The following TRIM27 variants were observed in gnomAD, a reference collection of about 807,000 sequenced individuals.
TRIM27 encodes tripartite motif containing 27.
TRIM27 carries 12 observed loss-of-function variants against 57.6 expected under a neutral mutation model. That is an observed-to-expected ratio of 0.21 (90% CI 0.13 to 0.34). The LOEUF is 0.34. TRIM27 is among the 10% of genes least tolerant of loss of function. The pLI is 1.00. For missense variants in TRIM27, 403 were observed against 656.8 expected, an observed-to-expected ratio of 0.61 and a Z score of 4.22; for synonymous variants, 266 against 259.0, an observed-to-expected ratio of 1.03 and a Z score of -0.26.
At chr6:28,908,321 G>A (rs990484444) in intron 6 of TRIM27, 1 of 161,804 alleles carries the variant, frequency 6.2e-6, no homozygotes, top group Non-Finnish European at 1.3e-5. Context: ...CTAAGTGGTA[G>A]AGGCAGGCCC....
intron 3 of TRIM27, among the ~76,000 whole-genome samples, chr6:28,917,407 G>A (rs373384084): frequency 6.6e-5 from 10 of 150,824 alleles, no homozygotes; most frequent in Non-Finnish European, 8.9e-5. Context: ...GTGAAACTCC[G>A]TCTCTATAAA....
At position 28,903,416 on chromosome 6, in the gene TRIM27, G is replaced by C. The variant is rs1469790019; in HGVS notation, c.*654C>G. The C allele has an allele frequency of 4.3e-6, 1 of 233,314 alleles. No individual in the cohort carries two copies. Among genetic ancestry groups the C allele is most frequent in the Non-Finnish European group, 8.5e-6 (1 of 118,140 alleles). The allele number at this position is 233,314 out of a possible 1,614,324, so 14.5% of individuals were successfully genotyped here. ...CATTAGAATGAAGAGAACAGACAAA[G>C]CCCTCAGAAAAGATACAAAGGCAGA... On this transcript the variant is annotated 3_prime_UTR_variant, in exon 8 of 8. Coordinates refer to ENST00000377199, the MANE Select transcript of TRIM27 (RefSeq NM_006510.5).
rs757057594 is a variant in TRIM27, at chr6:28,911,650, A to G, written c.770+46T>C. 3.1e-6 allele frequency: 5 copies of G among 1,587,722 alleles called. No homozygotes were observed. In the East Asian group the frequency reaches 1.1e-4, roughly 36 times the overall value. On this transcript the variant is annotated intron_variant, in intron 4 of 7. Coordinates refer to ENST00000377199, the MANE Select transcript of TRIM27 (RefSeq NM_006510.5). ...CAGGATTTACAAATGTGAAGGAGAC[A>G]GTCTTCTCATATTTGATTTAACACT...
At chr6:28,917,802 G>C (rs1006664197) in intron 3 of TRIM27, among the ~76,000 whole-genome samples, 4 of 151,348 alleles carry the variant, frequency 2.6e-5, no homozygotes, top group African/African-American at 9.7e-5. Context: ...GCACATTGCT[G>C]ATCAGTACAT....
chr6:28,919,947 T>C, intron 3 of TRIM27, 65 bp downstream of exon 3: 1 of 1,488,824 alleles, frequency 6.7e-7, no homozygotes, highest in Non-Finnish European at 9.1e-7. Context: ...TGGATACTAC[T>C]TGGCAAAGGA....
At chr6:28,918,367 T>C (rs1337641500) in intron 3 of TRIM27, among the ~76,000 whole-genome samples, 2 of 151,918 alleles carry the variant, frequency 1.3e-5, no homozygotes, top group African/African-American at 4.8e-5. Context: ...ACTACTCAAC[T>C]CCCCCTAATG....
rs908412691 is a variant in TRIM27, at chr6:28,917,311, C to T, written c.747+2701G>A. Among the ~76,000 whole-genome samples the T allele has an allele frequency of 2.6e-5, 4 of 152,176 alleles. 1 individual carries two copies. In the Middle Eastern group the frequency reaches 0.014, roughly 518 times the overall value. On this transcript the variant is annotated intron_variant, in intron 3 of 7. Coordinates refer to ENST00000377199, the MANE Select transcript of TRIM27 (RefSeq NM_006510.5). ...ACACGACAGGGGCTGGGCACGGTGG[C>T]TCGCACCTGTAATCCCAGCACTTTG... is the stretch of plus-strand genomic sequence containing the variant.
rs992464945 is a variant in TRIM27, at chr6:28,923,384, G to A, written c.249C>T (p.Thr83=). 10 of 1,612,136 alleles carry A rather than the reference G, an allele frequency of 6.2e-6. No homozygotes were observed. The highest frequency in any genetic ancestry group is 7.6e-6 in the Non-Finnish European group (9 of 1,179,638). Residue 83 remains threonine, a synonymous_variant, in exon 1 of 8, where the codon ACC becomes ACT. Coordinates refer to ENST00000377199, the MANE Select transcript of TRIM27 (RefSeq NM_006510.5). ...NVTQLVKQLR[T]ERPSGPGGEM... is the part of the protein sequence containing the mutation. ...CGCCGCCGGGCCCCGACGGCCGCTC[G>A]GTGCGCAGCTGCTTTACCAGTTGGG...
At chr6:28,914,851 T>C (rs989848974) in intron 3 of TRIM27, 2 of 152,194 alleles carry the variant, frequency 1.3e-5, no homozygotes, top group Non-Finnish European at 2.9e-5. Context: ...TAGGTTTTTG[T>C]ATATTTCTTA....
intron 4 of TRIM27, among the ~76,000 whole-genome samples, chr6:28,910,697 C>T (rs1321114967): frequency 1.3e-5 from 2 of 152,046 alleles, no homozygotes; most frequent in African/African-American, 4.8e-5. Flanking sequence ...CTTATATAGC[C>T]AAATTCAATC....
chr6:28,912,496 A>G (rs1032258844), intron 3 of TRIM27, among the ~76,000 whole-genome samples: 9 of 143,214 alleles, frequency 6.3e-5, no homozygotes, highest in Admixed American at 3.5e-4. Flanking sequence ...CTGTCTCAGG[A>G]AAAAAAAAAA....
intron 4 of TRIM27, 129 bp from the exon 5 acceptor site, chr6:28,909,217 C>T: frequency 1.6e-6 from 1 of 639,250 alleles, no homozygotes; most frequent in East Asian, 2.8e-5. Flanking sequence ...AAGCGATTCT[C>T]CTGCCTCAGC....
At chr6:28,905,694 A>G (rs1325236505) in intron 7 of TRIM27, 1 of 152,192 alleles carries the variant, frequency 6.6e-6, no homozygotes, top group Non-Finnish European at 1.5e-5. Context: ...CACTACACCC[A>G]GCCCAAATCA....
intron 4 of TRIM27, among the ~76,000 whole-genome samples, chr6:28,910,123 G>GAAAAAAAAAAAAAAAAAAAAAAAGA (rs9278120): frequency 1.6e-4 from 16 of 97,588 alleles, no homozygotes; most frequent in Non-Finnish European, 2.6e-4. Flanking sequence ...AAAGAAAAAT[G>GAAAAAAAAAAAAAAAAAAAAAAAGA]AAAAAAAAAA....
At chr6:28,907,903 A>C (rs1772888815) in intron 6 of TRIM27, 1 of 258,572 alleles carries the variant, frequency 3.9e-6, no homozygotes, top group South Asian at 6.3e-5. Flanking sequence ...GATGCCCCAA[A>C]AAGTATATAT....
intron 6 of TRIM27, chr6:28,908,022 A>G (rs1365592610): frequency 1.2e-5 from 2 of 171,252 alleles, no homozygotes; most frequent in African/African-American, 4.8e-5. Context: ...TTACCTACAT[A>G]TAAGGATTTC....
At position 28,920,398 on chromosome 6, in the gene TRIM27, A is replaced by G. The variant is rs12523726; in HGVS notation, c.517-156T>C. 5.0e-3 allele frequency among the ~76,000 whole-genome samples: 760 copies of G among 152,294 alleles called. 30 individuals are homozygous for G. The highest frequency in any genetic ancestry group is 0.046 in the Admixed American group (702 of 15,292). On this transcript the variant is annotated intron_variant, in intron 2 of 7. Coordinates refer to ENST00000377199, the MANE Select transcript of TRIM27 (RefSeq NM_006510.5). Reference sequence around the variant, plus strand: ...TCCAGTCTTTACTGACTGGATATATAATGCCCAGGAACTGAATTACCCCAG... The same window carrying G: ...TCCAGTCTTTACTGACTGGATATATGATGCCCAGGAACTGAATTACCCCAG...
At chr6:28,907,415 T>C (rs1772846404) in intron 6 of TRIM27, 153 bp from the exon 7 acceptor site, 4 of 753,342 alleles carry the variant, frequency 5.3e-6, no homozygotes, top group Non-Finnish European at 7.2e-6. Context: ...TTTCATATGA[T>C]GTATGGCTCT....
chr6:28,921,447 G>C (rs1774025948), intron 2 of TRIM27, among the ~76,000 whole-genome samples: 1 of 151,964 alleles, frequency 6.6e-6, no homozygotes, highest in Non-Finnish European at 1.5e-5. Flanking sequence ...TTAAGGCCTT[G>C]AGACTGGAGG....
Sources: allele counts gnomAD v4.1 joint callset (sites outside exome capture counted in the v4.1 genomes callset), GRCh38; gene constraint gnomAD v4.1.1; transcripts MANE v1.5; gene names NCBI Gene and HGNC (gene_info 2026-07-23, HGNC 2026-07-21).